Variants in ZNF595 observed in about 807,000 individuals in gnomAD.
ZNF595 encodes the protein zinc finger protein 595.
Under a neutral mutation model 19.4 loss-of-function variants are expected in ZNF595, and 9 were observed. The observed-to-expected ratio is 0.46, with a 90% confidence interval of 0.28 to 0.81. ZNF595 has a LOEUF of 0.81. Ranked by LOEUF, ZNF595 falls within the 30% of genes least tolerant of loss-of-function variation. The pLI, the probability that ZNF595 is intolerant of heterozygous loss-of-function variation, is 0.11. For synonymous variants in ZNF595, 255 were observed against 255.9 expected, an observed-to-expected ratio of 1.00 and a Z score of 0.03; for missense variants, 729 against 736.0, an observed-to-expected ratio of 0.99 and a Z score of 0.11.
At chr4:81,930 A>C (rs1713925118) in intron 3 of ZNF595, among the ~76,000 whole-genome samples, 1 of 152,140 alleles carries the variant, frequency 6.6e-6, no homozygotes, top group Non-Finnish European at 1.5e-5. Flanking sequence ...AGAAATTTGC[A>C]TTGCTTTCAT....
intron 3 of ZNF595, among the ~76,000 whole-genome samples, chr4:76,091 G>A (rs1311034219): frequency 2.0e-5 from 3 of 151,982 alleles, no homozygotes; most frequent in African/African-American, 7.3e-5. Context: ...ATAGGGTTTT[G>A]CCATGTTGCT....
intron 3 of ZNF595, among the ~76,000 whole-genome samples, chr4:69,106 A>G (rs765073864): frequency 2.0e-5 from 3 of 152,148 alleles, no homozygotes; most frequent in Non-Finnish European, 4.4e-5. Flanking sequence ...TATGATTGAA[A>G]AGTACTCCGT....
chr4:82,792 A>G (rs868972546), intron 3 of ZNF595, among the ~76,000 whole-genome samples: 33 of 152,300 alleles, frequency 2.2e-4, no homozygotes, highest in African/African-American at 7.9e-4. Context: ...GTAGCCTAAC[A>G]GGTGGTCTAT....
rs1398169725 is a variant in ZNF595, at chr4:53,362, GCT to G, written c.-122_-121del. On this transcript the variant is annotated 5_prime_UTR_variant, in exon 1 of 4. Coordinates refer to ENST00000610261, the MANE Select transcript of ZNF595 (RefSeq NM_182524.4). ...TGCGAGGGCTTGGTTTAGGGCTTCA[GCT>G]CTCTGCGTTCTCGGCTCCGGGAGGC... The G allele has an allele frequency of 2.6e-5, 40 of 1,540,256 alleles. No individual in the cohort carries two copies. The African/African-American group carries it at 4.3e-4, about 16-fold the overall frequency.
At chr4:73,819 G>T (rs1280621243) in intron 3 of ZNF595, among the ~76,000 whole-genome samples, 1 of 152,118 alleles carries the variant, frequency 6.6e-6, no homozygotes, top group African/African-American at 2.4e-5. Context: ...ATGATTTATA[G>T]ACAGTTGCTC....
chr4:83,294 T>G (rs1713991218), intron 3 of ZNF595, among the ~76,000 whole-genome samples: 1 of 152,034 alleles, frequency 6.6e-6, no homozygotes, highest in South Asian at 2.1e-4. Context: ...TCAGTCTCCT[T>G]TAATCATTAG....
chr4:69,277 A>G (rs535101529), intron 3 of ZNF595, among the ~76,000 whole-genome samples: 73 of 152,310 alleles, frequency 4.8e-4, no homozygotes, highest in African/African-American at 1.6e-3. Flanking sequence ...GGATTGTTGG[A>G]TAATATAGTA....
intron 3 of ZNF595, among the ~76,000 whole-genome samples, chr4:82,501 C>G (rs1200704418): frequency 2.0e-5 from 3 of 150,028 alleles, no homozygotes; most frequent in African/African-American, 7.3e-5. Context: ...TCTCCTGCCT[C>G]AGCCTGTCGA....
Position 87,117 on chromosome 4 carries a change from G to A in ZNF595, c.1613G>A (p.Cys538Tyr). The A allele has an allele frequency of 6.2e-7, 1 of 1,613,950 alleles. No individual in the cohort carries two copies. The highest frequency in any genetic ancestry group is 1.1e-5 in the South Asian group (1 of 91,064). The change falls in exon 4 of 4, where the codon TGT (cysteine) becomes TAT (tyrosine). Residue 538 changes from cysteine to tyrosine, a missense_variant. Physicochemically the swap from Cys to Tyr is radical, Grantham distance 194 (BLOSUM62 -2). This residue lies in a region of ZNF595 where 729 missense variants were observed against 675.3 expected (regional missense o/e 1.08). Coordinates refer to ENST00000610261, the MANE Select transcript of ZNF595 (RefSeq NM_182524.4). ...CATTCTGAACAAAAACTTTACAAAT[G>A]TGAAGAATGTGGCAAAGCCTTTACT... The part of the protein sequence containing the change: ...SIHSEQKLYK[C>Y]EECGKAFTRS...
rs782128778 is a variant in ZNF595 at position 74,514 on chromosome 4, G to A, written c.227-11217G>A. 5.9e-5 allele frequency among the ~76,000 whole-genome samples: 9 copies of A among 152,256 alleles called. No individual in the cohort carries two copies. In the Middle Eastern group the frequency reaches 0.014, roughly 230 times the overall value. The stretch of plus-strand genomic sequence containing the variant: ...TCAGTTAATTTAGAAAGTTTATTTT[G>A]CCAAGGTTGAGGACACACATCTGTG... On this transcript the variant is annotated intron_variant, in intron 3 of 3. Transcript: ENST00000610261.
chr4:55,414 TCTC>T (rs1219235162), intron 1 of ZNF595, among the ~76,000 whole-genome samples: 2 of 150,946 alleles, frequency 1.3e-5, no homozygotes, highest in Admixed American at 1.3e-4. Context: ...TTTTTGCTCT[TCTC>T]CTTTTTCTTA....
intron 1 of ZNF595, among the ~76,000 whole-genome samples, chr4:57,749 C>A (rs1373452968): frequency 5.3e-5 from 8 of 150,630 alleles, no homozygotes; most frequent in African/African-American, 1.7e-4. Context: ...TTGATACCAC[C>A]ACCTGCATGG....
At position 85,816 on chromosome 4, in the gene ZNF595, G is replaced by C; in HGVS notation, c.312G>C (p.Glu104Asp). 6.2e-7 allele frequency: 1 copy of C among 1,613,936 alleles called. No individual in the cohort carries two copies. ...ACAAACTTATACTGAAAAGATACGA[G>C]AAATGTGGACATGAGAATTTACAAT... ...SFHKLILKRY[E>D]KCGHENLQLR... The change falls in exon 4 of 4, where the codon GAG (glutamate) becomes GAC (aspartate). Residue 104 changes from glutamate (E) to aspartate (D), a missense_variant. Around this residue, in one of 2 missense-constraint regions of ZNF595, gnomAD observed 729 missense variants for 675.3 expected, o/e 1.08. Transcript: ENST00000610261.
intron 3 of ZNF595, among the ~76,000 whole-genome samples, chr4:69,656 G>A (rs1713346896): frequency 6.6e-6 from 1 of 152,134 alleles, no homozygotes; most frequent in South Asian, 2.1e-4. Flanking sequence ...CTGATGGGCA[G>A]TTTGCACATG....
At chr4:68,913 T>C (rs1713318281) in intron 3 of ZNF595, among the ~76,000 whole-genome samples, 1 of 152,210 alleles carries the variant, frequency 6.6e-6, no homozygotes, top group African/African-American at 2.4e-5. Flanking sequence ...CACTATACTT[T>C]CCAGCCTCTG....
intron 1 of ZNF595, among the ~76,000 whole-genome samples, chr4:54,982 C>G (rs1319740408): frequency 1.4e-4 from 21 of 151,250 alleles, no homozygotes; most frequent in Non-Finnish European, 1.0e-4. Flanking sequence ...CCCAGGTTCA[C>G]GCCATTCTCC....
chr4:87,326 A>C lies in ZNF595; in HGVS notation c.1822A>C (p.Thr608Pro). 3.1e-6 allele frequency: 5 copies of C among 1,613,468 alleles called. No individual in the cohort carries two copies. The South Asian group carries it at 5.5e-5, about 18-fold the overall frequency. ...AGCCTTCAATTGGTCCTCATCCCTTACTAAACATAAGATAATTCATACTGG... is the reference window on the plus strand; with the variant it reads ...AGCCTTCAATTGGTCCTCATCCCTTCCTAAACATAAGATAATTCATACTGG... ...GKAFNWSSSL[T>P]KHKIIHTGEK... is the part of the protein sequence containing the mutation. The change falls in exon 4 of 4, where the codon ACT becomes CCT. Residue 608 changes from threonine (T) to proline (P), a missense_variant. Physicochemically the swap from Thr to Pro is conservative, Grantham distance 38. Coordinates refer to ENST00000610261, the MANE Select transcript of ZNF595 (RefSeq NM_182524.4).
At chr4:70,110 A>G (rs1021608445) in intron 3 of ZNF595, among the ~76,000 whole-genome samples, 7 of 152,190 alleles carry the variant, frequency 4.6e-5, no homozygotes, top group Non-Finnish European at 1.0e-4. Context: ...AGTCAACACT[A>G]CTAAAGAGTA....
intron 3 of ZNF595, chr4:60,549 G>A (rs1712809426): frequency 2.2e-6 from 1 of 455,878 alleles, no homozygotes; most frequent in South Asian, 1.7e-5. Context: ...GGACATAATG[G>A]GATTTGGTTT....
Sources: allele counts gnomAD v4.1 joint callset (sites outside exome capture counted in the v4.1 genomes callset), GRCh38; gene constraint gnomAD v4.1.1; regional missense constraint gnomAD v4.1.1; transcripts MANE v1.5; gene names NCBI Gene and HGNC (gene_info 2026-07-23, HGNC 2026-07-21).